Variants in SNX29 observed in about 807,000 individuals in gnomAD.
SNX29 encodes sorting nexin-29.
SNX29 carries 78 observed loss-of-function variants against 102.1 expected under a neutral mutation model. The ratio of observed to expected loss-of-function variants is 0.76; its 90% confidence interval spans 0.64 to 0.92. SNX29 has a LOEUF of 0.92. SNX29 is among the 40% of genes least tolerant of loss of function. SNX29 has a pLI of 0.00. For missense variants in SNX29, 1,280 were observed against 1,061.7 expected (o/e 1.21, Z -2.86); for synonymous variants, 580 against 414.5 (o/e 1.40, Z -4.85).
rs2052753030 is a variant in SNX29 at position 12,096,042 on chromosome 16, C to T, written c.1402+17127C>T. On this transcript the variant is annotated intron_variant, in intron 11 of 20. Coordinates refer to ENST00000566228, the MANE Select transcript of SNX29 (RefSeq NM_032167.5). The surrounding 1 kb of genome is among the most constrained non-coding windows in gnomAD (Gnocchi z 4.2). ...GCGAGGCCCCGCAGCCAGCTGCTTG[C>T]TTGGCTAAGGGCTTCATGATAAAAT... Among the ~76,000 whole-genome samples, 1 of 152,216 alleles carries T rather than the reference C, an allele frequency of 6.6e-6. No individual in the cohort carries two copies. The highest frequency in any genetic ancestry group is 1.5e-5 in the Non-Finnish European group (1 of 68,040).
At chr16:12,122,844 C>G (rs951164187) in intron 11 of SNX29, among the ~76,000 whole-genome samples, 2 of 151,954 alleles carry the variant, frequency 1.3e-5, no homozygotes, top group African/African-American at 4.8e-5. Context: ...AATTTTTTTT[C>G]TAGGCGGAGT....
chr16:12,487,372 C>A (rs2088297613), intron 19 of SNX29, among the ~76,000 whole-genome samples: 1 of 152,204 alleles, frequency 6.6e-6, no homozygotes. Context: ...CATATGCCGG[C>A]TTGCCAGACA....
chr16:12,202,717 C>T (rs558533643), intron 14 of SNX29, among the ~76,000 whole-genome samples: 6 of 152,354 alleles, frequency 3.9e-5, no homozygotes, highest in South Asian at 4.1e-4. Flanking sequence ...CTTTCACTTA[C>T]GAGAGCAGGA....
At chr16:12,009,418 T>A (rs1339336556) in intron 3 of SNX29, among the ~76,000 whole-genome samples, 2 of 151,494 alleles carry the variant, frequency 1.3e-5, no homozygotes, top group African/African-American at 4.9e-5. Flanking sequence ...TATATATATG[T>A]ATACATGTAT....
chr16:12,427,568 T>C (rs1011742010), intron 18 of SNX29, among the ~76,000 whole-genome samples: 20 of 152,252 alleles, frequency 1.3e-4, no homozygotes, highest in African/African-American at 4.6e-4. Flanking sequence ...CTCTTGACTT[T>C]GTAATTCTCT....
At chr16:12,052,379 G>C (rs2050345006) in intron 8 of SNX29, 157 bp downstream of exon 8, 1 of 715,510 alleles carries the variant, frequency 1.4e-6, no homozygotes, top group Non-Finnish European at 2.2e-6. Flanking sequence ...ACCACACCCA[G>C]CTAATTTTTG....
intron 16 of SNX29, among the ~76,000 whole-genome samples, chr16:12,386,846 C>T (rs371960663): frequency 2.0e-5 from 3 of 150,382 alleles, no homozygotes; most frequent in Admixed American, 1.3e-4. Context: ...ACACCTAGGT[C>T]GGGCGTGGTG....
At chr16:12,543,194 CAT>C (rs937458016) in intron 20 of SNX29, among the ~76,000 whole-genome samples, 2 of 152,212 alleles carry the variant, frequency 1.3e-5, no homozygotes, top group African/African-American at 4.8e-5. Flanking sequence ...TAGGAAAAAT[CAT>C]ATTCATCACG....
chr16:12,419,905 A>G (rs1221466698), intron 18 of SNX29, among the ~76,000 whole-genome samples: 2 of 152,268 alleles, frequency 1.3e-5, no homozygotes, highest in African/African-American at 4.8e-5. Context: ...TCTGACTAGC[A>G]GAAGGGAGAT....
chr16:12,354,952 G>C (rs2082089901), intron 15 of SNX29, among the ~76,000 whole-genome samples: 1 of 152,168 alleles, frequency 6.6e-6, no homozygotes, highest in Admixed American at 6.5e-5. Context: ...TTTCACACTG[G>C]TTTGAAAGCG....
At chr16:12,538,155 A>C (rs2077162613) in intron 20 of SNX29, among the ~76,000 whole-genome samples, 1 of 152,088 alleles carries the variant, frequency 6.6e-6, no homozygotes, top group African/African-American at 2.4e-5. Flanking sequence ...TCACTCTGTC[A>C]CCCAGAATAG....
intron 20 of SNX29, among the ~76,000 whole-genome samples, chr16:12,555,237 G>A (rs1408491721): frequency 6.6e-6 from 1 of 151,784 alleles, no homozygotes; most frequent in Non-Finnish European, 1.5e-5. Context: ...GAGAAATGGA[G>A]GTGAGAGATG....
intron 14 of SNX29, among the ~76,000 whole-genome samples, chr16:12,245,258 C>A (rs534708183): frequency 1.3e-4 from 20 of 152,234 alleles, no homozygotes; most frequent in African/African-American, 4.8e-4. Context: ...TTTAACATCC[C>A]CCAGTCTCAG....
chr16:12,547,669 C>T (rs986260686), intron 20 of SNX29, among the ~76,000 whole-genome samples: 6 of 152,152 alleles, frequency 3.9e-5, no homozygotes, highest in Non-Finnish European at 7.3e-5. Context: ...GCACCATCTC[C>T]TGTAATAAAA....
chr16:12,477,635 GT>G lies in SNX29; in HGVS notation c.2038-80del, dbSNP rs1331420177. 8 of 1,539,622 alleles carry G rather than the reference GT, an allele frequency of 5.2e-6. No homozygotes were observed. The East Asian group carries it at 1.6e-4, about 31-fold the overall frequency. ...ACAGATGTGACTCTTGCTGCAGTTG[GT>G]TTTCATGGGGAAAGCATAGCCGAAA... On this transcript the variant is annotated intron_variant, in intron 18 of 20. Coordinates refer to ENST00000566228, the MANE Select transcript of SNX29 (RefSeq NM_032167.5).
In SNX29 at chr16:12,573,829, A is replaced by G; in HGVS notation, c.*5200A>G. ...GGGGGTAGAGCTAATTGGAATTTTT[A>G]TTATCCAGGACTCATCCTAAGAAGA... On this transcript the variant is annotated 3_prime_UTR_variant, in exon 21 of 21. Coordinates refer to ENST00000566228, the MANE Select transcript of SNX29 (RefSeq NM_032167.5). 1 of 215,322 alleles carries G rather than the reference A, an allele frequency of 4.6e-6. No homozygotes were observed. Among genetic ancestry groups the G allele is most frequent in the African/African-American group, 2.3e-5 (1 of 44,356 alleles). The allele number at this position is 215,322 out of a possible 1,614,324, so 13.3% of individuals were successfully genotyped here.
At chr16:12,047,246 G>A (rs1385870280) in intron 6 of SNX29, among the ~76,000 whole-genome samples, 8 of 152,202 alleles carry the variant, frequency 5.3e-5, no homozygotes. Context: ...TTAGTCGGTG[G>A]ACTGTTACGT....
chr16:12,260,766 C>CACACGCCCCCAGCTGGAGTGAGTGTTG, intron 14 of SNX29, among the ~76,000 whole-genome samples: 1 of 41,972 alleles, frequency 2.4e-5, no homozygotes, highest in African/African-American at 9.3e-5. Flanking sequence ...AGTGAGTGTT[C>CACACGCCCCCAGCTGGAGTGAGTGTTG]GCTGAGCTCC....
At chr16:12,040,795 A>G (rs575530919) in intron 4 of SNX29, among the ~76,000 whole-genome samples, 3 of 152,348 alleles carry the variant, frequency 2.0e-5, no homozygotes, top group Admixed American at 6.5e-5. Flanking sequence ...TTACACATAT[A>G]AATATGTATG....
Sources: allele counts gnomAD v4.1 joint callset (sites outside exome capture counted in the v4.1 genomes callset), GRCh38; gene constraint gnomAD v4.1.1; non-coding constraint Gnocchi (gnomAD v3.1); transcripts MANE v1.5; gene names NCBI Gene and HGNC (gene_info 2026-07-23, HGNC 2026-07-21).